USH2A: variants seen among roughly 807,000 people sequenced by gnomAD.
The protein encoded by USH2A is Usher syndrome 2A (autosomal recessive, mild).
USH2A carries 443 observed loss-of-function variants against 538.9 expected under a neutral mutation model. The ratio of observed to expected loss-of-function variants is 0.82; its 90% CI spans 0.76 to 0.89. The LOEUF (loss-of-function observed/expected upper bound fraction) is 0.89. Among genes scored for constraint, USH2A ranks in the 40% least tolerant of loss-of-function variants. The probability of loss-of-function intolerance (pLI) is 0.00; values close to 1 mark genes in which losing one functional copy is unlikely to be tolerated. For synonymous variants in USH2A, 2,413 were observed against 2,273.5 expected (o/e 1.06, Z -1.75); for missense variants, 6,633 against 6,324.8 (o/e 1.05, Z -1.65).
intron 30 of USH2A, among the ~76,000 whole-genome samples, chr1:216,051,654 G>A (rs1448131920): frequency 1.3e-5 from 2 of 152,188 alleles, no homozygotes; most frequent in African/African-American, 4.8e-5. Context: ...AACCTATGGG[G>A]CATATGTGAA....
chr1:215,719,322 CA>C, intron 61 of USH2A, among the ~76,000 whole-genome samples: 1 of 109,364 alleles, frequency 9.1e-6, no homozygotes. Flanking sequence ...GTTGTTGGGG[CA>C]GGGGGGCCAG....
At chr1:215,965,213 AACAT>A (rs1667308297) in intron 37 of USH2A, 100 bp downstream of exon 37, 2 of 1,302,328 alleles carry the variant, frequency 1.5e-6, no homozygotes, top group East Asian at 5.0e-5. Context: ...TAAAGAAACC[AACAT>A]CTGTGGCTAA....
At chr1:215,873,008 T>G (rs953901143) in intron 43 of USH2A, among the ~76,000 whole-genome samples, 2 of 152,128 alleles carry the variant, frequency 1.3e-5, no homozygotes, top group Non-Finnish European at 2.9e-5. Context: ...TAAACTTTTC[T>G]TTATAAATTA....
intron 11 of USH2A, among the ~76,000 whole-genome samples, chr1:216,278,591 C>A (rs2036714312): frequency 6.6e-6 from 1 of 152,218 alleles, no homozygotes; most frequent in African/African-American, 2.4e-5. Flanking sequence ...TCTATTGAAG[C>A]TCTGGGAAAA....
At chr1:216,364,431 C>T (rs2038554463) in intron 4 of USH2A, among the ~76,000 whole-genome samples, 1 of 151,904 alleles carries the variant, frequency 6.6e-6, no homozygotes, top group Non-Finnish European at 1.5e-5. Context: ...ATAGTAGATC[C>T]CAAAAGATCT....
At chr1:216,124,577 C>T (rs2033210150) in intron 21 of USH2A, among the ~76,000 whole-genome samples, 1 of 152,062 alleles carries the variant, frequency 6.6e-6, no homozygotes, top group Non-Finnish European at 1.5e-5. Context: ...AGAAACTCAG[C>T]AAGAAATGCA....
chr1:215,747,344 C>A (rs886676627), intron 58 of USH2A, among the ~76,000 whole-genome samples: 2 of 152,108 alleles, frequency 1.3e-5, no homozygotes, highest in Non-Finnish European at 2.9e-5. Context: ...TAAAAAATAA[C>A]TTTATTTTTC....
intron 11 of USH2A, among the ~76,000 whole-genome samples, chr1:216,286,102 A>G (rs2036878024): frequency 6.6e-6 from 1 of 152,146 alleles, no homozygotes; most frequent in South Asian, 2.1e-4. Context: ...TTTGTTTTGA[A>G]TGGTGAGAAC....
chr1:216,249,637 G>GCAAATA (rs1271509764), intron 12 of USH2A, among the ~76,000 whole-genome samples: 4 of 152,006 alleles, frequency 2.6e-5, no homozygotes, highest in African/African-American at 4.8e-5. Context: ...GGTAAATTAT[G>GCAAATA]GTACAGATTT....
chr1:216,004,838 G>A (rs934072209), intron 32 of USH2A, among the ~76,000 whole-genome samples: 1 of 152,156 alleles, frequency 6.6e-6, no homozygotes, highest in Non-Finnish European at 1.5e-5. Flanking sequence ...GTTCAAAAGT[G>A]AAAGAGTTGA....
chr1:215,965,031 A>G (rs906750205), intron 37 of USH2A, among the ~76,000 whole-genome samples: 1 of 152,158 alleles, frequency 6.6e-6, no homozygotes, highest in Non-Finnish European at 1.5e-5. Context: ...TTGCTTAAAC[A>G]CAGACTGTTA....
At chr1:215,804,224 G>A (rs1209885094) in intron 49 of USH2A, among the ~76,000 whole-genome samples, 1 of 151,988 alleles carries the variant, frequency 6.6e-6, no homozygotes, top group Non-Finnish European at 1.5e-5. Flanking sequence ...ATAGGCATGG[G>A]CAAGGACTTC....
chr1:215,778,926 C>T (rs940773439), intron 55 of USH2A, among the ~76,000 whole-genome samples: 1 of 152,200 alleles, frequency 6.6e-6, no homozygotes, highest in African/African-American at 2.4e-5. Flanking sequence ...ATAGTGCACT[C>T]AAAGTGCTTA....
chr1:215,858,931 C>T (rs933353662), intron 44 of USH2A, among the ~76,000 whole-genome samples: 9 of 152,192 alleles, frequency 5.9e-5, no homozygotes, highest in African/African-American at 1.7e-4. Flanking sequence ...GCTAGAGGTT[C>T]GTGATCAAGG....
At chr1:215,943,040 G>T (rs1426333682) in intron 37 of USH2A, among the ~76,000 whole-genome samples, 1 of 152,304 alleles carries the variant, frequency 6.6e-6, no homozygotes, top group African/African-American at 2.4e-5. Context: ...GCAACACCTA[G>T]TGCTCAAAAT....
chr1:215,630,480 G>GTATATATATATATATATATATA (rs1443855975), intron 70 of USH2A, among the ~76,000 whole-genome samples: 1 of 105,940 alleles, frequency 9.4e-6, no homozygotes, highest in African/African-American at 4.5e-5. Context: ...GTATGTGTGT[G>GTATATATATATATATATATATA]TGTATATATA....
At chr1:215,769,262 A>G (rs929229248) in intron 55 of USH2A, among the ~76,000 whole-genome samples, 3 of 152,184 alleles carry the variant, frequency 2.0e-5, no homozygotes. Context: ...GGCCTCAGTT[A>G]TCTTCCTCAT....
Position 216,324,323 on chromosome 1 carries a change from A to T in USH2A, c.1173T>A (p.Ser391Arg), listed in dbSNP as rs529153604. The change falls in exon 7 of 72, where the codon AGT becomes AGA. Residue 391 changes from serine (S) to arginine (R), a missense_variant. Transcript: ENST00000307340. ...GAATCCTTATTTCCGTTGGTTGTGG[A>T]CTAAAGAACTGAATGATAATATAAA... The part of the protein sequence containing the change: ...QVFYIIIQFF[S>R]PQPTEIRIQR... 1 of 1,612,516 alleles carries T rather than the reference A, an allele frequency of 6.2e-7. No homozygotes were observed. Among genetic ancestry groups the T allele is most frequent in the East Asian group, 2.2e-5 (1 of 44,630 alleles).
chr1:216,129,460 G>A (rs927502995), intron 21 of USH2A, among the ~76,000 whole-genome samples: 3 of 151,806 alleles, frequency 2.0e-5, no homozygotes, highest in Non-Finnish European at 4.4e-5. Context: ...AATCCCATTT[G>A]TAATCGCCAC....
Sources: gnomAD v4.1 joint callset for allele counts (sites outside exome capture counted in the v4.1 genomes callset) on GRCh38, gnomAD v4.1.1 for gene constraint, MANE v1.5 for transcripts, NCBI Gene and HGNC (gene_info 2026-07-23, HGNC 2026-07-21) for gene names.